Variants in TNN observed in about 807,000 individuals in gnomAD.
TNN encodes tenascin N.
In TNN, 122 loss-of-function variants were observed where a neutral mutation model predicts 134.4. The ratio of observed to expected loss-of-function variants is 0.91; its 90% CI spans 0.78 to 1.06. The LOEUF (loss-of-function observed/expected upper bound fraction) is 1.06, where lower values mean the gene tolerates loss of function less well. Ranked by LOEUF, TNN falls within the 50% of genes least tolerant of loss-of-function variation. The pLI, the probability that TNN is intolerant of heterozygous loss-of-function variation, is 0.00. For synonymous variants in TNN, 710 were observed against 670.3 expected (o/e 1.06, Z -0.91); for missense variants, 1,739 against 1,699.4 (o/e 1.02, Z -0.41).
rs1484064896 is a variant in TNN at position 175,118,826 on chromosome 1, T to A, written c.2650+2T>A. The A allele has an allele frequency of 1.9e-6, 3 of 1,613,808 alleles. No homozygotes were observed. In the African/African-American group the frequency reaches 4.0e-5, roughly 22 times the overall value. On this transcript the variant is annotated splice_donor_variant, in intron 11 of 18. Coordinates refer to ENST00000239462, the MANE Select transcript of TNN (RefSeq NM_022093.2). LOFTEE classifies it high-confidence loss of function. The stretch of plus-strand genomic sequence containing the variant: ...AGGCTGACACCAAGGCCCAGACAGG[T>A]AATAGAAGTGAAGAGAAGAGCAAAC...
chr1:175,085,645 C>T (rs1674307377), intron 6 of TNN, 151 bp downstream of exon 6: 1 of 631,752 alleles, frequency 1.6e-6, no homozygotes, highest in South Asian at 1.8e-5. Flanking sequence ...GAGGCCAAGG[C>T]AGGCGGATCA....
intron 6 of TNN, among the ~76,000 whole-genome samples, chr1:175,087,647 C>T (rs913135590): frequency 5.9e-5 from 9 of 152,208 alleles, no homozygotes; most frequent in Admixed American, 5.2e-4. Flanking sequence ...TTTCCCCATA[C>T]ACCAGGGAGT....
chr1:175,087,916 C>T (rs576541642), intron 6 of TNN, among the ~76,000 whole-genome samples: 118 of 152,280 alleles, frequency 7.7e-4, no homozygotes, highest in African/African-American at 2.7e-3. Context: ...ACTTTACTTA[C>T]GTTTACCTAT....
Position 175,079,430 on chromosome 1 carries a change from G to T in TNN, c.507G>T (p.Leu169=), listed in dbSNP as rs1427097365. 8 of 1,584,418 alleles carry T rather than the reference G, an allele frequency of 5.0e-6. No homozygotes were observed. The highest frequency in any genetic ancestry group is 6.8e-6 in the Non-Finnish European group (8 of 1,168,688). ...EGREGPACER[L]ACPGACSGHG... ...GGGAGGGCCCCGCCTGCGAGCGGCT[G>T]GCCTGCCCCGGGGCGTGCAGCGGCC... The change falls in exon 3 of 19, where the codon CTG becomes CTT. Residue 169 remains leucine (L), a synonymous_variant. Transcript: ENST00000239462.
chr1:175,068,584 C>G (rs892003009), intron 1 of TNN, among the ~76,000 whole-genome samples: 3 of 152,110 alleles, frequency 2.0e-5, no homozygotes, highest in Non-Finnish European at 4.4e-5. Flanking sequence ...CACAATACCT[C>G]AAAGAAAACA....
Position 175,116,997 on chromosome 1 carries a change from C to G in TNN, c.2178C>G (p.Val726=), listed in dbSNP as rs1347440950. The G allele has an allele frequency of 6.2e-7, 1 of 1,614,222 alleles. No homozygotes were observed. Among genetic ancestry groups the G allele is most frequent in the Non-Finnish European group, 8.5e-7 (1 of 1,180,044 alleles). ...TDRVTENMAT[V]SWDPVRATID... is the part of the protein sequence containing the mutation. ...GGGTGACAGAGAATATGGCCACTGT[C>G]TCCTGGGACCCGGTGCGGGCCACCA... Residue 726 remains valine (V), a synonymous_variant, in exon 10 of 19, where the codon GTC becomes GTG. Transcript: ENST00000239462.
Position 175,117,210 on chromosome 1 carries a change from G to C in TNN, c.2386+5G>C. 1 of 1,613,176 alleles carries C rather than the reference G, an allele frequency of 6.2e-7. No homozygotes were observed. The highest frequency in any genetic ancestry group is 8.5e-7 in the Non-Finnish European group (1 of 1,179,790). On this transcript the variant is annotated splice_donor_5th_base_variant and intron_variant, in intron 10 of 18. Transcript: ENST00000239462. ...CTGACACCAAGGCCCAGACAGGTAA[G>C]GAGCATTGTTCTTTGGGAATATAAG...
intron 5 of TNN, 30 bp downstream of exon 5, chr1:175,083,965 A>T (rs2072030): frequency 0.51 from 814,919 of 1,607,292 alleles, 209,056 homozygotes; most frequent in African/African-American, 0.69. Flanking sequence ...TGTGAGATGT[A>T]TGCTGTGGAT....
At chr1:175,107,723 C>T (rs1161493906) in intron 9 of TNN, among the ~76,000 whole-genome samples, 21 of 135,132 alleles carry the variant, frequency 1.6e-4, no homozygotes, top group Middle Eastern at 3.5e-3. Flanking sequence ...TTGGTAGAGC[C>T]GAGTGGCCTG....
chr1:175,130,398 A>G (rs1470706600), intron 15 of TNN, among the ~76,000 whole-genome samples: 1 of 152,226 alleles, frequency 6.6e-6, no homozygotes, highest in Non-Finnish European at 1.5e-5. Context: ...ATTGATTTAT[A>G]AAAACAACAG....
chr1:175,146,959 A>T lies in TNN; in HGVS notation c.3788A>T (p.His1263Leu), dbSNP rs146012416. ...EGVNWEPWKG[H>L]EFSIPYVELK... ...GTGAACTGGGAGCCTTGGAAAGGACATGAATTCTCCATTCCTTACGTGGAG... is the reference window on the plus strand; with the variant it reads ...GTGAACTGGGAGCCTTGGAAAGGACTTGAATTCTCCATTCCTTACGTGGAG... The change falls in exon 19 of 19, where the codon CAT becomes CTT. Residue 1263 changes from histidine (H) to leucine (L), a missense_variant. Transcript: ENST00000239462. The T allele has an allele frequency of 1.3e-6, 2 of 1,583,832 alleles. No individual in the cohort carries two copies. Among genetic ancestry groups the T allele is most frequent in the Non-Finnish European group, 1.7e-6 (2 of 1,164,114 alleles).
Position 175,080,303 on chromosome 1 carries a change from G to A in TNN, c.925G>A (p.Val309Met). 6.2e-7 allele frequency: 1 copy of A among 1,614,134 alleles called. No homozygotes were observed. Among genetic ancestry groups the A allele is most frequent in the Non-Finnish European group, 8.5e-7 (1 of 1,180,010 alleles). The change falls in exon 4 of 19, where the codon GTG (valine) becomes ATG (methionine). Residue 309 changes from valine to methionine, a missense_variant. Coordinates refer to ENST00000239462, the MANE Select transcript of TNN (RefSeq NM_022093.2). Reference protein sequence around the residue: ...GKELSGKQIQVPKEQHSYEIL... With the variant: ...GKELSGKQIQMPKEQHSYEIL... Reference sequence around the variant, plus strand: ...GGAGCTCTCTGGGAAGCAGATCCAAGTGCCCAAGGAGCAGCACAGCTATGA... The same window carrying A: ...GGAGCTCTCTGGGAAGCAGATCCAAATGCCCAAGGAGCAGCACAGCTATGA...
intron 11 of TNN, 57 bp downstream of exon 11, chr1:175,118,881 C>T (rs1233369427): frequency 2.5e-6 from 4 of 1,600,114 alleles, no homozygotes; most frequent in African/African-American, 2.7e-5. Context: ...TGATCTATTG[C>T]AGCTGAGTGA....
intron 10 of TNN, among the ~76,000 whole-genome samples, chr1:175,117,509 G>C (rs1675217469): frequency 6.6e-6 from 1 of 151,996 alleles, no homozygotes; most frequent in South Asian, 2.1e-4. Flanking sequence ...TTGTGAGTGG[G>C]AACAGAAAAT....
chr1:175,077,342 G>A (rs1392488305), intron 1 of TNN, 42 bp from the exon 2 acceptor site: 6 of 1,470,026 alleles, frequency 4.1e-6, no homozygotes, highest in Admixed American at 4.4e-5. Context: ...GCTTCCCTCA[G>A]CACATCTCCG....
At chr1:175,097,966 G>T (rs1309689560) in intron 8 of TNN, among the ~76,000 whole-genome samples, 2 of 152,174 alleles carry the variant, frequency 1.3e-5, no homozygotes. Flanking sequence ...CAGTGCTTGT[G>T]ATAATATTTT....
At chr1:175,105,821 G>A (rs1014040782) in intron 9 of TNN, among the ~76,000 whole-genome samples, 6 of 145,136 alleles carry the variant, frequency 4.1e-5, no homozygotes, top group Non-Finnish European at 9.2e-5. Flanking sequence ...ACCGCCCACA[G>A]TTTTGGTTTG....
intron 9 of TNN, among the ~76,000 whole-genome samples, chr1:175,108,124 A>G (rs1376580862): frequency 5.3e-5 from 8 of 149,650 alleles, no homozygotes; most frequent in African/African-American, 1.7e-4. Context: ...GGTTCTCCAC[A>G]TCCTCACCAG....
chr1:175,079,789 T>A, intron 3 of TNN, 82 bp downstream of exon 3: 1 of 1,473,014 alleles, frequency 6.8e-7, no homozygotes, highest in Non-Finnish European at 9.0e-7. Context: ...GTTGTCATCT[T>A]TGGGGGTCTC....
Sources: allele counts gnomAD v4.1 joint callset (sites outside exome capture counted in the v4.1 genomes callset), GRCh38; gene constraint gnomAD v4.1.1; transcripts MANE v1.5; gene names NCBI Gene and HGNC (gene_info 2026-07-23, HGNC 2026-07-21).